Variants in HACD3 observed in about 807,000 individuals in gnomAD.
HACD3 encodes very-long-chain (3R)-3-hydroxyacyl-CoA dehydratase 3.
A neutral mutation model predicts 55.2 loss-of-function variants in HACD3; 30 were observed. That is an observed-to-expected ratio of 0.54 (90% CI 0.41 to 0.74). The LOEUF (loss-of-function observed/expected upper bound fraction) is 0.74. Ranked by LOEUF, HACD3 falls within the 30% of genes least tolerant of loss-of-function variation. The pLI is 0.00. For missense variants in HACD3, 363 were observed against 440.1 expected (o/e 0.82, Z 1.57); for synonymous variants, 141 against 151.7 (o/e 0.93, Z 0.52).
At chr15:65,574,736 A>G (rs955143376) in intron 10 of HACD3, among the ~76,000 whole-genome samples, 6 of 152,222 alleles carry the variant, frequency 3.9e-5, no homozygotes, top group South Asian at 2.1e-4. Context: ...TTTCTGTTTC[A>G]GCAAAGGGTA....
At chr15:65,556,689 G>A in intron 3 of HACD3, 50 bp from the exon 4 acceptor site, 3 of 1,544,110 alleles carry the variant, frequency 1.9e-6, no homozygotes, top group Non-Finnish European at 2.6e-6. Context: ...GCATGGTGCT[G>A]CTTCAGGGAA....
At chr15:65,539,283 C>G (rs990598530) in intron 1 of HACD3, among the ~76,000 whole-genome samples, 2 of 133,218 alleles carry the variant, frequency 1.5e-5, no homozygotes, top group African/African-American at 2.9e-5. Context: ...TGCAATGGCT[C>G]AATCTTGGCT....
At chr15:65,575,314 A>G (rs577019901) in intron 10 of HACD3, among the ~76,000 whole-genome samples, 20 of 151,476 alleles carry the variant, frequency 1.3e-4, no homozygotes, top group Admixed American at 1.2e-3. Context: ...CAGCCTCCGG[A>G]GTAGCTGGGA....
At position 65,569,690 on chromosome 15, in the gene HACD3, G is replaced by A. The variant is rs112455238; in HGVS notation, c.661-401G>A. Among the ~76,000 whole-genome samples, 220 of 151,670 alleles carry A rather than the reference G, an allele frequency of 1.5e-3. 1 individual carries two copies. The highest frequency in any genetic ancestry group is 0.013 in the South Asian group (60 of 4,792). ...ACCACTGCACTCCAGCCCGGGTGAC[G>A]GAGCGAGACCCCGTCTCGATAAAAA... is the stretch of plus-strand genomic sequence containing the variant. On this transcript the variant is annotated intron_variant, in intron 7 of 10. Coordinates refer to ENST00000261875, the MANE Select transcript of HACD3 (RefSeq NM_016395.4).
intron 2 of HACD3, among the ~76,000 whole-genome samples, chr15:65,553,713 T>G (rs421442): frequency 0.87 from 132,704 of 152,236 alleles, 58,930 homozygotes; most frequent in East Asian, 0.95. Context: ...CTGTCCTACC[T>G]TAAGGAATTT....
chr15:65,572,050 T>G (rs1269465142), intron 9 of HACD3, among the ~76,000 whole-genome samples, 185 bp from the exon 10 acceptor site: 1 of 152,148 alleles, frequency 6.6e-6, no homozygotes, highest in Admixed American at 6.5e-5. Context: ...TGTTGACAGG[T>G]TGGAGGCTGA....
At position 65,572,385 on chromosome 15, in the gene HACD3, A is replaced by G. The variant is rs2072356916; in HGVS notation, c.1012+19A>G. ...TTTTTAGGTAAGTATTGATTCTTTA[A>G]TACAGACTTTTTCTTGTCACTTCTT... is the stretch of plus-strand genomic sequence containing the variant. On this transcript the variant is annotated intron_variant, in intron 10 of 10. Transcript: ENST00000261875. 1.9e-6 allele frequency: 3 copies of G among 1,551,516 alleles called. No individual in the cohort carries two copies. Among genetic ancestry groups the G allele is most frequent in the African/African-American group, 2.8e-5 (2 of 72,120 alleles).
At chr15:65,548,461 G>A (rs1263814803) in intron 1 of HACD3, among the ~76,000 whole-genome samples, 3 of 149,012 alleles carry the variant, frequency 2.0e-5, no homozygotes, top group Non-Finnish European at 3.0e-5. Context: ...GCAGTGAGCC[G>A]AGATTGCACC....
intron 3 of HACD3, 44 bp downstream of exon 3, chr15:65,555,004 G>C (rs373730685): frequency 1.4e-6 from 2 of 1,432,648 alleles, no homozygotes; most frequent in Admixed American, 3.4e-5. Context: ...TTTAGGAAAT[G>C]AATACCAGTA....
At chr15:65,567,939 T>G (rs544614634) in intron 7 of HACD3, among the ~76,000 whole-genome samples, 1 of 152,040 alleles carries the variant, frequency 6.6e-6, no homozygotes, top group African/African-American at 2.4e-5. Flanking sequence ...TCTTTTTTTT[T>G]TTTTTGAGAG....
chr15:65,577,851 G>A lies in HACD3; in HGVS notation c.*1472G>A, dbSNP rs1172982725. 1 of 152,606 alleles carries A rather than the reference G, an allele frequency of 6.6e-6. No homozygotes were observed. The highest frequency in any genetic ancestry group is 2.4e-5 in the African/African-American group (1 of 41,442). The allele number at this position is 152,606 out of a possible 1,614,324, so 9.5% of individuals were successfully genotyped here. ...TCTGGCAGGAAACTCACAAAAAGGA[G>A]AACTGAAAATTTAGACATACAGTTG... is the stretch of plus-strand genomic sequence containing the variant. On this transcript the variant is annotated 3_prime_UTR_variant, in exon 11 of 11. Coordinates refer to ENST00000261875, the MANE Select transcript of HACD3 (RefSeq NM_016395.4).
intron 1 of HACD3, among the ~76,000 whole-genome samples, chr15:65,544,062 A>G (rs2072048373): frequency 6.6e-6 from 1 of 152,152 alleles, no homozygotes; most frequent in Non-Finnish European, 1.5e-5. Context: ...CTGTAGTCCC[A>G]GCTACTCGGG....
intron 1 of HACD3, among the ~76,000 whole-genome samples, chr15:65,537,955 AAAAATATATATATATATATATATAT>A (rs1206826840): frequency 0.19 from 722 of 3,708 alleles, 35 homozygotes; most frequent in Admixed American, 0.28. Flanking sequence ...AAAAAAAAAA[AAAAATATATATATATATATATATAT>A]ATATATATAT....
In HACD3 at chr15:65,578,199, C is replaced by T. The variant is rs2072429057; in HGVS notation, c.*1820C>T. 6.6e-6 allele frequency: 1 copy of T among 152,182 alleles called. No homozygotes were observed. Among genetic ancestry groups the T allele is most frequent in the African/African-American group, 2.4e-5 (1 of 41,436 alleles). The allele number at this position is 152,182 out of a possible 1,614,324, so 9.4% of individuals were successfully genotyped here. A position where few individuals can be genotyped will look rare whatever the true frequency, so the allele number is the denominator to read the frequency against. ...TGATTTCTGATATTCTTGCAGCTGA[C>T]TACGTGTAATTGGGCAGATCAGCTT... On this transcript the variant is annotated 3_prime_UTR_variant, in exon 11 of 11. Coordinates refer to ENST00000261875, the MANE Select transcript of HACD3 (RefSeq NM_016395.4).
intron 1 of HACD3, among the ~76,000 whole-genome samples, chr15:65,548,404 T>G (rs2072097478): frequency 6.6e-6 from 1 of 151,516 alleles, no homozygotes; most frequent in South Asian, 2.1e-4. Context: ...TCCCAGATAC[T>G]TGAGAGGCTA....
At chr15:65,549,101 C>T (rs574838475) in intron 1 of HACD3, among the ~76,000 whole-genome samples, 1 of 148,046 alleles carries the variant, frequency 6.8e-6, no homozygotes, top group Non-Finnish European at 1.5e-5. Context: ...GTAGATTGAG[C>T]TTTCTAATAA....
chr15:65,564,424 T>C, intron 7 of HACD3, 82 bp downstream of exon 7: 2 of 1,499,022 alleles, frequency 1.3e-6, no homozygotes, highest in South Asian at 2.6e-5. Context: ...TCCATTTTCA[T>C]GCTGCTCATA....
intron 10 of HACD3, among the ~76,000 whole-genome samples, chr15:65,572,712 C>T (rs946032737): frequency 6.6e-6 from 1 of 151,594 alleles, no homozygotes; most frequent in Non-Finnish European, 1.5e-5. Flanking sequence ...GTCAGGAGTT[C>T]GAGACCAGCC....
chr15:65,564,556 C>T lies in HACD3; in HGVS notation c.660+214C>T, dbSNP rs113206482. On this transcript the variant is annotated intron_variant, in intron 7 of 10. Transcript: ENST00000261875. The stretch of plus-strand genomic sequence containing the variant: ...GCGAAAGGCACTTCTTACGTGGTGG[C>T]GGCAAGAGAGAATGAGGAAGAAGCA... 1,698 of 528,688 alleles carry T rather than the reference C, an allele frequency of 3.2e-3. 25 individuals are homozygous for T. Among genetic ancestry groups the T allele is most frequent in the African/African-American group, 0.031 (1,572 of 50,978 alleles). 32.7% of individuals were successfully genotyped at this position (528,688 alleles called of 1,614,324 possible).
Sources: gnomAD v4.1 joint callset for allele counts (sites outside exome capture counted in the v4.1 genomes callset) on GRCh38, gnomAD v4.1.1 for gene constraint, MANE v1.5 for transcripts, NCBI Gene and HGNC (gene_info 2026-07-23, HGNC 2026-07-21) for gene names.